MSRA: variants seen among roughly 807,000 people sequenced by gnomAD.
MSRA encodes mitochondrial peptide methionine sulfoxide reductase.
MSRA carries 54 observed loss-of-function variants against 31.3 expected under a neutral mutation model. The ratio of observed to expected loss-of-function variants is 1.73; its 90% CI spans 1.39 to 2.17. MSRA has a LOEUF of 2.17. MSRA is among the 30% of genes most tolerant of loss of function. The pLI, the probability that MSRA is intolerant of heterozygous loss-of-function variation, is 0.00. For synonymous variants in MSRA, 169 were observed against 116.5 expected, an observed-to-expected ratio of 1.45 and a Z score of -2.90; for missense variants, 507 against 300.9, an observed-to-expected ratio of 1.69 and a Z score of -5.07.
chr8:10,170,571 A>C (rs1032376811), intron 1 of MSRA, among the ~76,000 whole-genome samples: 1 of 152,230 alleles, frequency 6.6e-6, no homozygotes, highest in African/African-American at 2.4e-5. Context: ...TGTTTTTAAA[A>C]AAAACACAAA....
At chr8:10,183,868 T>A (rs1385821255) in intron 1 of MSRA, among the ~76,000 whole-genome samples, 1 of 148,624 alleles carries the variant, frequency 6.7e-6, no homozygotes, top group Non-Finnish European at 1.5e-5. Context: ...AGTAGTGTTG[T>A]TGGTTTTGTT....
intron 5 of MSRA, among the ~76,000 whole-genome samples, chr8:10,425,232 C>T (rs1438056046): frequency 1.3e-5 from 2 of 152,154 alleles, no homozygotes; most frequent in African/African-American, 4.8e-5. Context: ...CCACCTCTAT[C>T]CGCCACCCGA....
chr8:10,279,889 G>A (rs983276969), intron 3 of MSRA, among the ~76,000 whole-genome samples: 1 of 152,282 alleles, frequency 6.6e-6, no homozygotes, highest in African/African-American at 2.4e-5. Flanking sequence ...CTATGACTCA[G>A]TGTGCATTAA....
At chr8:10,156,431 A>G (rs76380102) in intron 1 of MSRA, among the ~76,000 whole-genome samples, 3,903 of 152,170 alleles carry the variant, frequency 0.026, 163 homozygotes, top group African/African-American at 0.088. Context: ...AAAGGAAAGC[A>G]TGTGTGTGTA....
chr8:10,362,117 G>A (rs777287284), intron 5 of MSRA, among the ~76,000 whole-genome samples: 4 of 152,092 alleles, frequency 2.6e-5, no homozygotes, highest in East Asian at 1.9e-4. Flanking sequence ...TGGCAAGTTC[G>A]TTGGCTTGTC....
intron 3 of MSRA, among the ~76,000 whole-genome samples, chr8:10,257,075 G>A (rs1798222810): frequency 1.3e-5 from 2 of 152,198 alleles, no homozygotes; most frequent in Non-Finnish European, 2.9e-5. Flanking sequence ...AGATGTTGAT[G>A]TGCCCTTTCT....
intron 1 of MSRA, among the ~76,000 whole-genome samples, chr8:10,104,056 CTA>C (rs1306609693): frequency 1.1e-4 from 17 of 152,140 alleles, no homozygotes; most frequent in African/African-American, 4.1e-4. Context: ...AGCGTTATCT[CTA>C]TTGCTAATGT....
intron 1 of MSRA, chr8:10,096,186 C>T: frequency 8.0e-7 from 1 of 1,256,578 alleles, no homozygotes; most frequent in Non-Finnish European, 1.0e-6. Context: ...AAAACGTTTT[C>T]TTAAAGCAAC....
intron 1 of MSRA, among the ~76,000 whole-genome samples, chr8:10,195,936 C>A (rs1807931781): frequency 6.6e-6 from 1 of 152,182 alleles, no homozygotes. Context: ...AAGCTGACAG[C>A]AGTGTTCAAG....
chr8:10,276,659 C>A (rs1357729102), intron 3 of MSRA, among the ~76,000 whole-genome samples: 5 of 152,236 alleles, frequency 3.3e-5, no homozygotes, highest in Non-Finnish European at 7.3e-5. Context: ...GTCTGCAAGA[C>A]AACAGAAAGT....
chr8:10,081,669 T>C (rs1299441583), intron 1 of MSRA, among the ~76,000 whole-genome samples: 5 of 152,126 alleles, frequency 3.3e-5, no homozygotes, highest in Non-Finnish European at 7.4e-5. Flanking sequence ...TTTGTATTTT[T>C]AGTAGAGACG....
intron 3 of MSRA, among the ~76,000 whole-genome samples, chr8:10,288,704 G>T (rs953448188): frequency 6.6e-6 from 1 of 152,088 alleles, no homozygotes; most frequent in Non-Finnish European, 1.5e-5. Context: ...GACTAAAAAT[G>T]TACTTACATT....
intron 1 of MSRA, among the ~76,000 whole-genome samples, chr8:10,100,794 C>A (rs1041539536): frequency 1.3e-5 from 2 of 152,054 alleles, no homozygotes; most frequent in Non-Finnish European, 2.9e-5. Context: ...CTGTATTGCA[C>A]GTTATCAGAG....
At chr8:10,220,946 A>G (rs1810441212) in intron 2 of MSRA, among the ~76,000 whole-genome samples, 1 of 152,218 alleles carries the variant, frequency 6.6e-6, no homozygotes, top group African/African-American at 2.4e-5. Context: ...ACCTGAGGAC[A>G]GATGAGCCCA....
chr8:10,341,452 C>T (rs551131739), intron 5 of MSRA, among the ~76,000 whole-genome samples: 2 of 152,326 alleles, frequency 1.3e-5, no homozygotes, highest in South Asian at 2.1e-4. Context: ...ATTCATGAAG[C>T]ATCTGCCTTC....
intron 5 of MSRA, among the ~76,000 whole-genome samples, chr8:10,395,074 C>G (rs1807011444): frequency 6.6e-6 from 1 of 152,174 alleles, no homozygotes; most frequent in Admixed American, 6.5e-5. Context: ...CACACAGTCA[C>G]CTGTGTGTAA....
At position 10,301,666 on chromosome 8, in the gene MSRA, A is replaced by G. The variant is rs767731997; in HGVS notation, c.436+28A>G. ...AGAGTGATGAGTGAGCCAGTATTTA[A>G]TTATCTTACTAATTACAGCTGGGAT... On this transcript the variant is annotated intron_variant, in intron 4 of 5. Coordinates refer to ENST00000317173, the MANE Select transcript of MSRA (RefSeq NM_012331.5). The G allele has an allele frequency of 1.2e-5, 18 of 1,553,018 alleles. No individual in the cohort carries two copies. In the East Asian group the frequency reaches 3.8e-4, roughly 33 times the overall value.
intron 4 of MSRA, among the ~76,000 whole-genome samples, chr8:10,315,485 C>T (rs1324575030): frequency 6.6e-6 from 1 of 152,168 alleles, no homozygotes; most frequent in Non-Finnish European, 1.5e-5. Context: ...TAATAGTAGA[C>T]ACTTAACTGT....
chr8:10,408,957 C>T (rs1220685063), intron 5 of MSRA, among the ~76,000 whole-genome samples: 2 of 152,176 alleles, frequency 1.3e-5, no homozygotes, highest in African/African-American at 4.8e-5. Context: ...TTTTCTTTTT[C>T]CGTTCATCTG....
Sources: gnomAD v4.1 joint callset for allele counts (sites outside exome capture counted in the v4.1 genomes callset) on GRCh38, gnomAD v4.1.1 for gene constraint, MANE v1.5 for transcripts, NCBI Gene and HGNC (gene_info 2026-07-23, HGNC 2026-07-21) for gene names.